Variants in COX6C observed in about 807,000 individuals in gnomAD.
COX6C encodes cytochrome c oxidase polypeptide VIc.
COX6C carries 3 observed loss-of-function variants against 6.9 expected under a neutral mutation model. The ratio of observed to expected loss-of-function variants is 0.43; its 90% CI spans 0.20 to 1.12. The LOEUF (loss-of-function observed/expected upper bound fraction) is 1.12, where lower values mean the gene tolerates loss of function less well. Ranked by LOEUF, COX6C falls within the 50% of genes most tolerant of loss-of-function variation. The probability of loss-of-function intolerance (pLI) is 0.27; values close to 1 mark genes in which losing one functional copy is unlikely to be tolerated. For synonymous variants in COX6C, 32 were observed against 32.0 expected, an observed-to-expected ratio of 1.00 and a Z score of 0.00; for missense variants, 101 against 97.3, an observed-to-expected ratio of 1.04 and a Z score of -0.16.
At chr8:99,883,429 A>ATGTGTGTG (rs34907198) in intron 3 of COX6C, among the ~76,000 whole-genome samples, 3 of 145,784 alleles carry the variant, frequency 2.1e-5, no homozygotes, top group East Asian at 2.0e-4. Flanking sequence ...GTGTGTATAT[A>ATGTGTGTG]TGTATGTGTG....
At chr8:99,881,650 G>A (rs1817867580) in intron 3 of COX6C, among the ~76,000 whole-genome samples, 1 of 152,100 alleles carries the variant, frequency 6.6e-6, no homozygotes, top group Non-Finnish European at 1.5e-5. Flanking sequence ...TAAAAGGAAA[G>A]ACTGAAACAT....
At chr8:99,892,175 AAATG>A in intron 1 of COX6C, 123 bp from the exon 2 acceptor site, 1 of 596,986 alleles carries the variant, frequency 1.7e-6, no homozygotes, top group South Asian at 2.1e-5. Context: ...CAGCAGTTAC[AAATG>A]AATGTTTTTC....
intron 1 of COX6C, 142 bp downstream of exon 1, chr8:99,893,497 G>A (rs1563530392): frequency 6.6e-6 from 1 of 152,326 alleles, no homozygotes; most frequent in African/African-American, 2.4e-5. Context: ...AAGCGTGAGA[G>A]AGTAGATGCG....
intron 3 of COX6C, chr8:99,885,960 A>G (rs1446312588): frequency 6.6e-6 from 1 of 152,244 alleles, no homozygotes; most frequent in African/African-American, 2.4e-5. Flanking sequence ...AACTGAATAA[A>G]CATTTCTCCA....
intron 1 of COX6C, 112 bp from the exon 2 acceptor site, chr8:99,892,164 G>A: frequency 1.6e-6 from 1 of 613,716 alleles, no homozygotes; most frequent in Non-Finnish European, 2.9e-6. Flanking sequence ...ACTCCGATTA[G>A]CAGCAGTTAC....
At chr8:99,891,509 A>C (rs1818031668) in intron 2 of COX6C, among the ~76,000 whole-genome samples, 1 of 152,186 alleles carries the variant, frequency 6.6e-6, no homozygotes, top group Non-Finnish European at 1.5e-5. Flanking sequence ...AAGAAAATGA[A>C]AAGAAGGGCA....
In COX6C at chr8:99,891,899, C is replaced by T. The variant is rs1311884194; in HGVS notation, c.114+9G>A. The T allele has an allele frequency of 1.9e-6, 3 of 1,612,192 alleles. No individual in the cohort carries two copies. On this transcript the variant is annotated intron_variant, in intron 2 of 3. Coordinates refer to ENST00000520468, the MANE Select transcript of COX6C (RefSeq NM_004374.4). ...ATGACCTTCGGCACAAAGTAAAAAA[C>T]ATACATACCTTATACAAAGCTGCAA...
chr8:99,881,430 A>G (rs1435242752), intron 3 of COX6C, among the ~76,000 whole-genome samples: 1 of 152,216 alleles, frequency 6.6e-6, no homozygotes, highest in Non-Finnish European at 1.5e-5. Context: ...AGACAAAAGC[A>G]TAAGAAGTAA....
intron 2 of COX6C, among the ~76,000 whole-genome samples, chr8:99,888,358 G>C (rs1388554119): frequency 6.6e-6 from 1 of 152,054 alleles, no homozygotes; most frequent in Non-Finnish European, 1.5e-5. Context: ...GAATCACAAG[G>C]TCAGGAATTG....
intron 3 of COX6C, among the ~76,000 whole-genome samples, chr8:99,886,557 G>T (rs568396024): frequency 9.9e-4 from 151 of 152,240 alleles, no homozygotes; most frequent in African/African-American, 3.6e-3. Flanking sequence ...AGGAATATTT[G>T]CATGCCTAGG....
At chr8:99,881,666 TATAAA>T (rs1356403825) in intron 3 of COX6C, among the ~76,000 whole-genome samples, 4 of 152,134 alleles carry the variant, frequency 2.6e-5, no homozygotes, top group African/African-American at 9.7e-5. Context: ...AACATGTCAC[TATAAA>T]ATAAAAGAGT....
rs577229561 is a variant in COX6C, at chr8:99,887,849, C to T, written c.115-231G>A. The stretch of plus-strand genomic sequence containing the variant: ...AATAAGGTGTCTATTTTGTTTTGTT[C>T]GAGGTTTCCGTACACAAAGGGTGGG... On this transcript the variant is annotated intron_variant, in intron 2 of 3. Coordinates refer to ENST00000520468, the MANE Select transcript of COX6C (RefSeq NM_004374.4). 3.9e-5 allele frequency among the ~76,000 whole-genome samples: 6 copies of T among 152,008 alleles called. No individual in the cohort carries two copies. The East Asian group carries it at 9.7e-4, about 24-fold the overall frequency.
At chr8:99,889,163 TATG>T (rs1392185121) in intron 2 of COX6C, among the ~76,000 whole-genome samples, 1 of 152,146 alleles carries the variant, frequency 6.6e-6, no homozygotes, top group Non-Finnish European at 1.5e-5. Flanking sequence ...GCCCACTATA[TATG>T]CCAGGCAGCA....
At chr8:99,879,371 T>TA (rs1554592706) in intron 3 of COX6C, among the ~76,000 whole-genome samples, 3 of 152,134 alleles carry the variant, frequency 2.0e-5, no homozygotes, top group Non-Finnish European at 2.9e-5. Flanking sequence ...TACTTTTTTT[T>TA]AAAAAAGTGA....
chr8:99,889,818 C>A (rs190796706), intron 2 of COX6C, among the ~76,000 whole-genome samples: 3 of 151,426 alleles, frequency 2.0e-5, no homozygotes, highest in Non-Finnish European at 4.4e-5. Flanking sequence ...CGACCGGGTG[C>A]GGTGGCTCAC....
In COX6C at chr8:99,882,666, A is replaced by C. The variant is rs796644965; in HGVS notation, c.*16-4401T>G. ...AACCTTTAGTCAGACTAATAAAAAAAGAGAACCACCAACTAACAGAGGGAA... is the reference window on the plus strand; with the variant it reads ...AACCTTTAGTCAGACTAATAAAAAACGAGAACCACCAACTAACAGAGGGAA... On this transcript the variant is annotated intron_variant, in intron 3 of 3. Coordinates refer to ENST00000520468, the MANE Select transcript of COX6C (RefSeq NM_004374.4). Among the ~76,000 whole-genome samples the C allele has an allele frequency of 7.2e-5, 11 of 152,364 alleles. 1 individual carries two copies. Among genetic ancestry groups the C allele is most frequent in the African/African-American group, 2.4e-4 (10 of 41,582 alleles).
chr8:99,888,161 C>G (rs1817973052), intron 2 of COX6C, among the ~76,000 whole-genome samples: 2 of 151,582 alleles, frequency 1.3e-5, no homozygotes. Context: ...GGGTCTCCCT[C>G]TGCAGAAATA....
rs888785704 is a variant in COX6C at position 99,892,123 on chromosome 8, G to A, written c.-31-71C>T. On this transcript the variant is annotated intron_variant, in intron 1 of 3. Transcript: ENST00000520468. Reference sequence around the variant, plus strand: ...CCACAAACTTGAGAATGGCCACCTGGAAGCATTGATTGGAGCTGCCCTGAA... The same window carrying A: ...CCACAAACTTGAGAATGGCCACCTGAAAGCATTGATTGGAGCTGCCCTGAA... 3 of 810,502 alleles carry A rather than the reference G, an allele frequency of 3.7e-6. No individual in the cohort carries two copies. In the African/African-American group the frequency reaches 5.2e-5, roughly 14 times the overall value. The allele number at this position is 810,502 out of a possible 1,614,324, so 50.2% of individuals were successfully genotyped here.
chr8:99,881,983 C>G (rs1182194613), intron 3 of COX6C, among the ~76,000 whole-genome samples: 1 of 151,988 alleles, frequency 6.6e-6, no homozygotes, highest in Non-Finnish European at 1.5e-5. Context: ...TAAAATGTTT[C>G]AAGAGACAAA....
Sources: allele counts gnomAD v4.1 joint callset (sites outside exome capture counted in the v4.1 genomes callset), GRCh38; gene constraint gnomAD v4.1.1; transcripts MANE v1.5; gene names NCBI Gene and HGNC (gene_info 2026-07-23, HGNC 2026-07-21).